LAMA3: variants seen among roughly 807,000 people sequenced by gnomAD.
LAMA3 encodes the protein laminin subunit alpha 3, also known as laminin subunit alpha-3.
A neutral mutation model predicts 402.0 loss-of-function variants in LAMA3; 281 were observed. The observed-to-expected ratio is 0.70, with a 90% CI of 0.63 to 0.77. The LOEUF (loss-of-function observed/expected upper bound fraction) is 0.77, where lower values mean the gene tolerates loss of function less well. LAMA3 is among the 30% of genes least tolerant of loss of function. The probability of loss-of-function intolerance (pLI) is 0.00; values close to 1 mark genes in which losing one functional copy is unlikely to be tolerated. For missense variants in LAMA3, 3,840 were observed against 4,215.5 expected, an observed-to-expected ratio of 0.91 and a Z score of 2.47; for synonymous variants, 1,431 against 1,558.4, an observed-to-expected ratio of 0.92 and a Z score of 1.93.
At chr18:23,871,925 T>C (rs1216156947) in intron 38 of LAMA3, among the ~76,000 whole-genome samples, 1 of 152,162 alleles carries the variant, frequency 6.6e-6, no homozygotes, top group African/African-American at 2.4e-5. Flanking sequence ...AGGAAAATAA[T>C]GTACTATAGT....
At chr18:23,773,225 T>C (rs1409645504) in intron 8 of LAMA3, among the ~76,000 whole-genome samples, 6 of 152,248 alleles carry the variant, frequency 3.9e-5, no homozygotes, top group Non-Finnish European at 8.8e-5. Context: ...TTAAAGCAAA[T>C]TCTTCGATCA....
rs1052458521 is a variant in LAMA3, at chr18:23,945,937, CT to C, written c.9211-203del. ...AAGCAACCTTTTTTTTTCAGTTCCCCTTTTGAGCTCAGTTTGTTCAGTATTT... is the reference window on the plus strand; with the variant it reads ...AAGCAACCTTTTTTTTTCAGTTCCCCTTTGAGCTCAGTTTGTTCAGTATTT... On this transcript the variant is annotated intron_variant, in intron 69 of 74. Coordinates refer to ENST00000313654, the MANE Select transcript of LAMA3 (RefSeq NM_198129.4). 7.9e-5 allele frequency among the ~76,000 whole-genome samples: 12 copies of C among 151,896 alleles called. 1 individual carries two copies. Among genetic ancestry groups the C allele is most frequent in the Admixed American group, 7.9e-4 (12 of 15,256 alleles).
At chr18:23,903,291 T>C (rs1232975799) in intron 49 of LAMA3, among the ~76,000 whole-genome samples, 166 bp downstream of exon 49, 1 of 152,238 alleles carries the variant, frequency 6.6e-6, no homozygotes, top group African/African-American at 2.4e-5. Flanking sequence ...GCAAAAGAAG[T>C]ATGAATGACA....
At chr18:23,870,286 G>C (rs985299055) in intron 37 of LAMA3, among the ~76,000 whole-genome samples, 1 of 151,960 alleles carries the variant, frequency 6.6e-6, no homozygotes, top group Admixed American at 6.5e-5. Flanking sequence ...CTGGGTGACA[G>C]AGCAAGACTT....
At chr18:23,840,107 C>T (rs2063665696) in intron 27 of LAMA3, among the ~76,000 whole-genome samples, 178 bp downstream of exon 27, 1 of 152,208 alleles carries the variant, frequency 6.6e-6, no homozygotes, top group South Asian at 2.1e-4. Flanking sequence ...CCAGGTGATT[C>T]TGATGCCCCT....
At chr18:23,714,347 C>T (rs2061055195) in intron 2 of LAMA3, among the ~76,000 whole-genome samples, 1 of 152,056 alleles carries the variant, frequency 6.6e-6, no homozygotes, top group South Asian at 2.1e-4. Flanking sequence ...TGGTGAAACC[C>T]CATCTCTACT....
intron 2 of LAMA3, among the ~76,000 whole-genome samples, chr18:23,737,772 C>G (rs1291720085): frequency 6.6e-6 from 1 of 152,248 alleles, no homozygotes; most frequent in Non-Finnish European, 1.5e-5. Flanking sequence ...AGACTGAGTG[C>G]GTGTTTTGTA....
At chr18:23,709,593 T>C (rs2060951028) in intron 1 of LAMA3, among the ~76,000 whole-genome samples, 1 of 152,076 alleles carries the variant, frequency 6.6e-6, no homozygotes, top group Non-Finnish European at 1.5e-5. Context: ...TTTTATTTTG[T>C]GTATGACCAT....
In LAMA3 at chr18:23,953,126, C is replaced by G; in HGVS notation, c.9856+17C>G. On this transcript the variant is annotated intron_variant, in intron 74 of 74. Transcript: ENST00000313654. ...GTGCTCCAGGTAACTCTTGTCCTGACTTCTATAATGTGTTGCCCTGTGTCA... is the reference window on the plus strand; with the variant it reads ...GTGCTCCAGGTAACTCTTGTCCTGAGTTCTATAATGTGTTGCCCTGTGTCA... 6.2e-7 allele frequency: 1 copy of G among 1,613,524 alleles called. No homozygotes were observed. The highest frequency in any genetic ancestry group is 8.5e-7 in the Non-Finnish European group (1 of 1,179,592).
intron 31 of LAMA3, among the ~76,000 whole-genome samples, chr18:23,847,050 G>A (rs994021028): frequency 3.3e-5 from 5 of 152,224 alleles, no homozygotes; most frequent in Non-Finnish European, 5.9e-5. Context: ...CCATGCAGAG[G>A]CCAAGGAACA....
chr18:23,792,472 A>G (rs2062678077), intron 12 of LAMA3, among the ~76,000 whole-genome samples: 1 of 152,158 alleles, frequency 6.6e-6, no homozygotes, highest in Admixed American at 6.6e-5. Flanking sequence ...CACGGTAACT[A>G]ATCCGAGGGC....
chr18:23,835,966 T>G (rs892214577), intron 24 of LAMA3, among the ~76,000 whole-genome samples: 1 of 152,218 alleles, frequency 6.6e-6, no homozygotes, highest in African/African-American at 2.4e-5. Flanking sequence ...TGATCATTAG[T>G]GATTAGATCA....
intron 23 of LAMA3, among the ~76,000 whole-genome samples, chr18:23,833,298 G>A (rs192868286): frequency 3.3e-5 from 5 of 152,238 alleles, no homozygotes; most frequent in African/African-American, 1.2e-4. Flanking sequence ...GGTTTGGTAT[G>A]AAAATCATTA....
intron 4 of LAMA3, 110 bp downstream of exon 4, chr18:23,749,656 A>C: frequency 4.3e-5 from 34 of 791,732 alleles, no homozygotes; most frequent in East Asian, 2.0e-4. Context: ...AACATAGATC[A>C]AGATGGAAAC....
At chr18:23,808,686 T>C (rs997457438) in intron 12 of LAMA3, among the ~76,000 whole-genome samples, 1 of 152,204 alleles carries the variant, frequency 6.6e-6, no homozygotes, top group Non-Finnish European at 1.5e-5. Context: ...TTCCCCTCCA[T>C]CAGTGAGAGT....
At chr18:23,843,120 CTG>C (rs2063740935) in intron 29 of LAMA3, among the ~76,000 whole-genome samples, 1 of 152,142 alleles carries the variant, frequency 6.6e-6, no homozygotes, top group African/African-American at 2.4e-5. Flanking sequence ...CCACTTGTCA[CTG>C]TGTGTTGGCG....
chr18:23,912,042 A>G (rs2081445602), intron 55 of LAMA3, among the ~76,000 whole-genome samples: 1 of 145,924 alleles, frequency 6.9e-6, no homozygotes, highest in Admixed American at 6.9e-5. Context: ...TAAATTGTAT[A>G]TTAATATATA....
rs759746692 is a variant in LAMA3 at position 23,758,888 on chromosome 18, C to T, written c.1063+377C>T. 4.7e-4 allele frequency among the ~76,000 whole-genome samples: 71 copies of T among 152,120 alleles called. 1 individual carries two copies. Among genetic ancestry groups the T allele is most frequent in the Non-Finnish European group, 8.1e-4 (55 of 68,012 alleles). On this transcript the variant is annotated intron_variant, in intron 7 of 74. Coordinates refer to ENST00000313654, the MANE Select transcript of LAMA3 (RefSeq NM_198129.4). ...TTTGAGGACCAAGGTCCAGAGAAGA[C>T]GGCAAGGTTGAGTCTAAACAGGGAG...
intron 55 of LAMA3, among the ~76,000 whole-genome samples, chr18:23,909,951 A>G (rs2081378153): frequency 6.6e-6 from 1 of 152,236 alleles, no homozygotes; most frequent in Admixed American, 6.5e-5. Flanking sequence ...CCCAATAACC[A>G]GGCTCACTGT....
Sources: allele counts gnomAD v4.1 joint callset (sites outside exome capture counted in the v4.1 genomes callset), GRCh38; gene constraint gnomAD v4.1.1; transcripts MANE v1.5; gene names NCBI Gene and HGNC (gene_info 2026-07-23, HGNC 2026-07-21).